The following GRIK2 variants were observed in gnomAD, a reference collection of about 807,000 sequenced individuals.
GRIK2 encodes glutamate ionotropic receptor kainate type subunit 2.
Under a neutral mutation model 100.3 loss-of-function variants are expected in GRIK2, and 32 were observed. That is an observed-to-expected ratio of 0.32 (90% confidence interval 0.24 to 0.43). GRIK2 has a LOEUF of 0.43. GRIK2 is among the 20% of genes least tolerant of loss of function. The pLI, the probability that GRIK2 is intolerant of heterozygous loss-of-function variation, is 1.00. For missense variants in GRIK2, 843 were observed against 1,114.9 expected, an observed-to-expected ratio of 0.76 and a Z score of 3.47; for synonymous variants, 417 against 389.4, an observed-to-expected ratio of 1.07 and a Z score of -0.83.
At chr6:101,700,941 G>A (rs1772849228) in intron 7 of GRIK2, among the ~76,000 whole-genome samples, 1 of 152,136 alleles carries the variant, frequency 6.6e-6, no homozygotes, top group African/African-American at 2.4e-5. Context: ...TTAGAGCTTT[G>A]CAGCTTAGGT....
intron 16 of GRIK2, chr6:102,063,836 T>C: frequency 1.9e-6 from 1 of 536,290 alleles, no homozygotes; most frequent in Middle Eastern, 5.1e-4. Flanking sequence ...TCTACATTGT[T>C]TCAAGAATTA....
At chr6:101,559,025 T>A (rs531552303) in intron 2 of GRIK2, among the ~76,000 whole-genome samples, 59 of 152,266 alleles carry the variant, frequency 3.9e-4, no homozygotes, top group African/African-American at 1.3e-3. Context: ...ATTATACTAA[T>A]TTTTACTTCC....
intron 4 of GRIK2, among the ~76,000 whole-genome samples, chr6:101,672,107 A>G (rs1478043295): frequency 6.6e-6 from 1 of 152,100 alleles, no homozygotes; most frequent in Admixed American, 6.5e-5. Flanking sequence ...TATCTTATGG[A>G]AATATATGAA....
chr6:102,025,116 A>G (rs1769625022), intron 14 of GRIK2, among the ~76,000 whole-genome samples: 2 of 151,258 alleles, frequency 1.3e-5, no homozygotes, highest in Admixed American at 1.3e-4. Flanking sequence ...TTGTAATGTT[A>G]GAGCTGAAAG....
intron 9 of GRIK2, 91 bp downstream of exon 9, chr6:101,802,529 A>G (rs1163335168): frequency 2.1e-6 from 1 of 468,726 alleles, no homozygotes; most frequent in African/African-American, 2.0e-5. Flanking sequence ...TTTCATTGAC[A>G]TTTAACTTTA....
chr6:102,065,906 G>A (rs1023073600), intron 16 of GRIK2: 1 of 1,431,752 alleles, frequency 7.0e-7, no homozygotes, highest in Non-Finnish European at 9.2e-7. Flanking sequence ...TTATCATCAT[G>A]TTCTTAATAA....
At chr6:101,424,787 A>G (rs1239105149) in intron 2 of GRIK2, among the ~76,000 whole-genome samples, 3 of 149,982 alleles carry the variant, frequency 2.0e-5, no homozygotes, top group Non-Finnish European at 4.4e-5. Context: ...TCATTGTTCA[A>G]TTCCCACCTA....
At chr6:102,007,245 A>T (rs1795290881) in intron 14 of GRIK2, among the ~76,000 whole-genome samples, 1 of 152,102 alleles carries the variant, frequency 6.6e-6, no homozygotes, top group Non-Finnish European at 1.5e-5. Context: ...AAGATAAGAA[A>T]ATACATTTTG....
chr6:101,967,735 G>C (rs1792779427), intron 14 of GRIK2, among the ~76,000 whole-genome samples: 1 of 152,000 alleles, frequency 6.6e-6, no homozygotes, highest in Admixed American at 6.6e-5. Context: ...CAAACAACAA[G>C]CCAACAAACC....
chr6:101,649,867 G>A (rs1781705379), intron 4 of GRIK2, among the ~76,000 whole-genome samples: 1 of 152,066 alleles, frequency 6.6e-6, no homozygotes, highest in South Asian at 2.1e-4. Flanking sequence ...GCAGAAGGGT[G>A]AAAGTGGGTG....
At chr6:101,827,017 A>G (rs1407785971) in intron 10 of GRIK2, among the ~76,000 whole-genome samples, 1 of 152,002 alleles carries the variant, frequency 6.6e-6, no homozygotes, top group African/African-American at 2.4e-5. Context: ...CTTTTCAGGG[A>G]GAAAGAAGTT....
rs550507437 is a variant in GRIK2, at chr6:101,696,412, G to C, written c.951+10059G>C. 5.5e-4 allele frequency among the ~76,000 whole-genome samples: 83 copies of C among 151,806 alleles called. No homozygotes were observed. In the Middle Eastern group the frequency reaches 0.01, roughly 19 times the overall value. ...AATTACCTACCTCTGGATCCCACCA[G>C]TGTAGAATTTCTCCTGCCTAATTGA... On this transcript the variant is annotated intron_variant, in intron 7 of 16. Coordinates refer to ENST00000369134, the MANE Select transcript of GRIK2 (RefSeq NM_021956.5).
intron 11 of GRIK2, among the ~76,000 whole-genome samples, chr6:101,870,328 G>A (rs1785327495): frequency 6.6e-6 from 1 of 151,882 alleles, no homozygotes; most frequent in South Asian, 2.1e-4. Context: ...TAGAAAATGA[G>A]TGTTTGTTGA....
chr6:102,064,987 C>T (rs548650797), intron 16 of GRIK2, among the ~76,000 whole-genome samples: 3 of 151,016 alleles, frequency 2.0e-5, no homozygotes, highest in African/African-American at 4.8e-5. Flanking sequence ...TTATCAATAA[C>T]CTAAATAAAC....
chr6:101,630,511 C>G (rs749576946), intron 4 of GRIK2, among the ~76,000 whole-genome samples: 2 of 152,078 alleles, frequency 1.3e-5, no homozygotes, highest in African/African-American at 2.4e-5. Flanking sequence ...TGTACATCTT[C>G]TTTTGAGGAG....
intron 2 of GRIK2, among the ~76,000 whole-genome samples, chr6:101,595,603 GGTAC>G (rs1433358368): frequency 1.3e-5 from 2 of 149,790 alleles, no homozygotes; most frequent in East Asian, 2.0e-4. Context: ...CACACACACA[GGTAC>G]AAACACACAC....
At chr6:102,000,560 A>G (rs1427431266) in intron 14 of GRIK2, among the ~76,000 whole-genome samples, 2 of 152,100 alleles carry the variant, frequency 1.3e-5, no homozygotes, top group East Asian at 1.9e-4. Context: ...TCTGTTTTTC[A>G]TAACTACAGG....
intron 11 of GRIK2, among the ~76,000 whole-genome samples, chr6:101,871,671 C>T (rs757540082): frequency 6.6e-6 from 1 of 151,878 alleles, no homozygotes; most frequent in Admixed American, 6.6e-5. Context: ...AGGATAATGG[C>T]CTCCATCTAC....
intron 11 of GRIK2, among the ~76,000 whole-genome samples, chr6:101,886,774 C>T (rs1212779300): frequency 6.6e-6 from 1 of 151,284 alleles, no homozygotes; most frequent in African/African-American, 2.4e-5. Flanking sequence ...TTCCCGCTAC[C>T]CCTATAATCA....
Sources: allele counts gnomAD v4.1 joint callset (sites outside exome capture counted in the v4.1 genomes callset), GRCh38; gene constraint gnomAD v4.1.1; transcripts MANE v1.5; gene names NCBI Gene and HGNC (gene_info 2026-07-23, HGNC 2026-07-21).